Variants in FSTL4 observed in about 807,000 individuals in gnomAD.
The protein encoded by FSTL4 is follistatin-related protein 4.
A neutral mutation model predicts 78.2 loss-of-function variants in FSTL4; 28 were observed. The ratio of observed to expected loss-of-function variants is 0.36; its 90% CI spans 0.27 to 0.49. The LOEUF is 0.49. Among genes scored for constraint, FSTL4 ranks in the 20% least tolerant of loss-of-function variants. The pLI, the probability that FSTL4 is intolerant of heterozygous loss-of-function variation, is 0.98. For synonymous variants in FSTL4, 422 were observed against 440.5 expected (o/e 0.96, Z 0.53); for missense variants, 922 against 1,084.9 (o/e 0.85, Z 2.11).
At chr5:133,620,520 T>C in the FSTL4 span, among the ~76,000 whole-genome samples, 1 of 152,236 alleles carries the variant, frequency 6.6e-6, no homozygotes, top group Admixed American at 6.5e-5. Flanking sequence ...CATTTTTTGC[T>C]CTTAATTAGC....
intron 3 of FSTL4, among the ~76,000 whole-genome samples, chr5:133,513,606 T>C (rs1758785120): frequency 1.3e-5 from 2 of 152,182 alleles, no homozygotes; most frequent in Admixed American, 6.5e-5. Context: ...TAAACCTGTC[T>C]TCAGCCATCC....
chr5:133,359,098 C>A (rs895074385), intron 4 of FSTL4, among the ~76,000 whole-genome samples: 1 of 152,176 alleles, frequency 6.6e-6, no homozygotes, highest in Non-Finnish European at 1.5e-5. Flanking sequence ...CTAGCTAGAG[C>A]GTGATGTGTA....
At chr5:133,752,227 G>C in the FSTL4 span, among the ~76,000 whole-genome samples, 4 of 152,316 alleles carry the variant, frequency 2.6e-5, no homozygotes, top group South Asian at 8.3e-4. Flanking sequence ...AAAACCAAAG[G>C]AGTTATCTAT....
Position 133,577,899 on chromosome 5 carries a change from A to AAAAC in FSTL4, c.127-10684_127-10681dup, listed in dbSNP as rs1212298025. 8.6e-4 allele frequency among the ~76,000 whole-genome samples: 131 copies of AAAAC among 152,296 alleles called. 1 individual carries two copies. Among genetic ancestry groups the AAAAC allele is most frequent in the African/African-American group, 2.9e-3 (122 of 41,562 alleles). On this transcript the variant is annotated intron_variant, in intron 2 of 15. Coordinates refer to ENST00000265342, the MANE Select transcript of FSTL4 (RefSeq NM_015082.2). ...GGGTGATAGCGTAAGACTCTGTCTC[A>AAAAC]AAACAAACAAACAAACAAACAAAAC...
intron 11 of FSTL4, among the ~76,000 whole-genome samples, chr5:133,221,891 GTTTTTTTTTTTTTTTTT>G (rs59400068): frequency 3.7e-4 from 16 of 43,358 alleles, no homozygotes; most frequent in South Asian, 2.3e-3. Context: ...CTCTTTTCTA[GTTTTTTTTTTTTTTTTT>G]TTTTTTTTTT....
the FSTL4 span, among the ~76,000 whole-genome samples, chr5:133,684,661 T>C: frequency 6.6e-4 from 101 of 152,280 alleles, no homozygotes; most frequent in African/African-American, 2.1e-3. Context: ...AGATATAGAG[T>C]TTGTGGAACA....
chr5:133,486,345 G>T (rs13184118), intron 3 of FSTL4, among the ~76,000 whole-genome samples: 1 of 151,082 alleles, frequency 6.6e-6, no homozygotes, highest in Non-Finnish European at 1.5e-5. Flanking sequence ...GAGTGATGAA[G>T]AGCGGGAGGG....
chr5:133,412,828 A>G (rs978389417), intron 3 of FSTL4, among the ~76,000 whole-genome samples: 1 of 152,114 alleles, frequency 6.6e-6, no homozygotes, highest in African/African-American at 2.4e-5. Context: ...ATCACACTCT[A>G]TGTACTCATC....
intron 3 of FSTL4, among the ~76,000 whole-genome samples, chr5:133,561,108 TAATAA>T (rs1759903844): frequency 6.8e-6 from 1 of 146,010 alleles, no homozygotes; most frequent in Admixed American, 6.9e-5. Flanking sequence ...ATAATAATAA[TAATAA>T]TAATAATAAT....
At chr5:133,784,097 A>G in the FSTL4 span, among the ~76,000 whole-genome samples, 112 of 152,240 alleles carry the variant, frequency 7.4e-4, 1 homozygote, top group African/African-American at 2.6e-3. Context: ...AAATGGGAGG[A>G]TACGTACAGG....
At chr5:133,312,069 C>T (rs903462975) in intron 6 of FSTL4, among the ~76,000 whole-genome samples, 8 of 152,180 alleles carry the variant, frequency 5.3e-5, no homozygotes, top group African/African-American at 1.7e-4. Context: ...TGAAGGCATC[C>T]CATCCACTTG....
chr5:133,829,760 G>A, the FSTL4 span, among the ~76,000 whole-genome samples: 1 of 152,192 alleles, frequency 6.6e-6, no homozygotes, highest in Non-Finnish European at 1.5e-5. Flanking sequence ...TTCTCAAAGA[G>A]GCTATTTCTA....
intron 4 of FSTL4, among the ~76,000 whole-genome samples, chr5:133,394,178 C>T (rs1755934490): frequency 6.6e-6 from 1 of 152,240 alleles, no homozygotes; most frequent in African/African-American, 2.4e-5. Context: ...GCTTATCTGA[C>T]ACTGAGAGGT....
At chr5:133,788,396 C>T in the FSTL4 span, among the ~76,000 whole-genome samples, 1 of 152,218 alleles carries the variant, frequency 6.6e-6, no homozygotes, top group Non-Finnish European at 1.5e-5. Flanking sequence ...ATAGTAGTAC[C>T]TCCCTGCAAG....
At chr5:133,410,776 T>C (rs1756461959) in intron 3 of FSTL4, among the ~76,000 whole-genome samples, 1 of 152,212 alleles carries the variant, frequency 6.6e-6, no homozygotes, top group Non-Finnish European at 1.5e-5. Flanking sequence ...AAAACTACCA[T>C]TTTCTAATCA....
chr5:133,282,051 T>A (rs1471955508), intron 6 of FSTL4, among the ~76,000 whole-genome samples: 4 of 152,138 alleles, frequency 2.6e-5, no homozygotes, highest in Non-Finnish European at 5.9e-5. Flanking sequence ...AAGCCCCATG[T>A]AAGCTCTTGG....
chr5:133,240,550 C>T (rs1479353965), intron 7 of FSTL4, among the ~76,000 whole-genome samples: 2 of 152,274 alleles, frequency 1.3e-5, no homozygotes, highest in East Asian at 3.9e-4. Context: ...GGGGAGAGCA[C>T]CTGGTTCTTC....
chr5:133,825,084 C>T, the FSTL4 span, among the ~76,000 whole-genome samples: 1 of 152,192 alleles, frequency 6.6e-6, no homozygotes, highest in African/African-American at 2.4e-5. Context: ...CACCTCCTCA[C>T]TTCACAGAGA....
the FSTL4 span, among the ~76,000 whole-genome samples, chr5:133,633,887 G>A: frequency 1.3e-5 from 2 of 152,138 alleles, no homozygotes; most frequent in South Asian, 4.2e-4. Context: ...CTTGGTGGTT[G>A]GCAAGGGTAG....
Sources: allele counts gnomAD v4.1 joint callset (sites outside exome capture counted in the v4.1 genomes callset), GRCh38; gene constraint gnomAD v4.1.1; transcripts MANE v1.5; gene names NCBI Gene and HGNC (gene_info 2026-07-23, HGNC 2026-07-21).